Variants in HS6ST3 observed in about 807,000 individuals in gnomAD.
The protein encoded by HS6ST3 is heparan sulfate 6-O-sulfotransferase 3.
In HS6ST3, 12 loss-of-function variants were observed where a neutral mutation model predicts 36.7. The observed-to-expected ratio is 0.33, with a 90% CI of 0.21 to 0.53. The LOEUF (loss-of-function observed/expected upper bound fraction) is 0.53. Ranked by LOEUF, HS6ST3 falls within the 20% of genes least tolerant of loss-of-function variation. The pLI is 0.95. For missense variants in HS6ST3, 584 were observed against 640.9 expected (o/e 0.91, Z 0.96); for synonymous variants, 240 against 257.5 (o/e 0.93, Z 0.65).
At chr13:96,482,930 A>G (rs1283083455) in intron 1 of HS6ST3, among the ~76,000 whole-genome samples, 1 of 152,194 alleles carries the variant, frequency 6.6e-6, no homozygotes, top group Non-Finnish European at 1.5e-5. Context: ...TACTTTTAGC[A>G]TGTCATACAC....
chr13:96,760,482 C>G (rs1424989465), intron 1 of HS6ST3, among the ~76,000 whole-genome samples: 2 of 137,698 alleles, frequency 1.5e-5, no homozygotes, highest in Non-Finnish European at 3.3e-5. Context: ...TTACGTTGTT[C>G]TGTAAAAAAA....
intron 1 of HS6ST3, among the ~76,000 whole-genome samples, chr13:96,369,084 G>A (rs2055277060): frequency 6.6e-6 from 1 of 151,504 alleles, no homozygotes; most frequent in Non-Finnish European, 1.5e-5. Context: ...GGGTGGGGAG[G>A]GTGGGTGTGA....
At chr13:96,577,246 A>T in intron 1 of HS6ST3, among the ~76,000 whole-genome samples, 1 of 152,106 alleles carries the variant, frequency 6.6e-6, no homozygotes, top group Non-Finnish European at 1.5e-5. Flanking sequence ...ACTCGCACTT[A>T]TGAGTGAGAA....
chr13:96,410,305 A>G (rs548549081), intron 1 of HS6ST3, among the ~76,000 whole-genome samples: 101 of 152,288 alleles, frequency 6.6e-4, no homozygotes, highest in African/African-American at 2.3e-3. Context: ...ATAAATCAAT[A>G]GGAAAAATAC....
At chr13:96,168,597 A>C (rs1435265466) in intron 1 of HS6ST3, among the ~76,000 whole-genome samples, 1 of 151,694 alleles carries the variant, frequency 6.6e-6, no homozygotes, top group African/African-American at 2.4e-5. Context: ...CCAGCTACTC[A>C]GGAGGCTAAG....
intron 1 of HS6ST3, among the ~76,000 whole-genome samples, chr13:96,630,348 A>G (rs2056527732): frequency 6.6e-6 from 1 of 152,170 alleles, no homozygotes; most frequent in South Asian, 2.1e-4. Context: ...AGGATTTCCC[A>G]CGACCACTGG....
chr13:96,425,630 T>C (rs1171489887), intron 1 of HS6ST3, among the ~76,000 whole-genome samples: 23 of 152,098 alleles, frequency 1.5e-4, no homozygotes, highest in Admixed American at 1.5e-3. Context: ...TGTGTGTGTA[T>C]GTGTATATGT....
intron 1 of HS6ST3, among the ~76,000 whole-genome samples, chr13:96,741,514 C>A (rs1311421435): frequency 6.6e-6 from 1 of 152,072 alleles, no homozygotes; most frequent in Non-Finnish European, 1.5e-5. Context: ...GTGCAGCTAC[C>A]TACTCCAATG....
At chr13:96,518,833 T>C (rs971970466) in intron 1 of HS6ST3, among the ~76,000 whole-genome samples, 14 of 152,214 alleles carry the variant, frequency 9.2e-5, no homozygotes, top group African/African-American at 3.4e-4. Context: ...TTATATTGCC[T>C]ATCCTTCATT....
chr13:96,302,622 A>G (rs1292657216), intron 1 of HS6ST3, among the ~76,000 whole-genome samples: 1 of 152,170 alleles, frequency 6.6e-6, no homozygotes, highest in African/African-American at 2.4e-5. Context: ...TAAGGACAAC[A>G]CCAACATGTT....
intron 1 of HS6ST3, among the ~76,000 whole-genome samples, chr13:96,207,125 C>T (rs966058763): frequency 2.6e-5 from 4 of 151,850 alleles, no homozygotes; most frequent in Non-Finnish European, 5.9e-5. Flanking sequence ...CCTAAACAAC[C>T]CTGTTAAAAA....
chr13:96,540,768 G>C (rs1335634351), intron 1 of HS6ST3, among the ~76,000 whole-genome samples: 1 of 152,092 alleles, frequency 6.6e-6, no homozygotes, highest in Non-Finnish European at 1.5e-5. Flanking sequence ...GTCTAAATTA[G>C]CCCTAGGCAT....
At chr13:96,299,821 T>A (rs942401673) in intron 1 of HS6ST3, among the ~76,000 whole-genome samples, 2 of 152,024 alleles carry the variant, frequency 1.3e-5, no homozygotes, top group Admixed American at 6.6e-5. Context: ...CAAATTATGA[T>A]ATGAACAAGT....
chr13:96,494,408 G>T (rs1365199994), intron 1 of HS6ST3, among the ~76,000 whole-genome samples: 1 of 119,516 alleles, frequency 8.4e-6, no homozygotes, highest in African/African-American at 3.1e-5. Context: ...GGGGGGAGGG[G>T]GGAGGGATAG....
chr13:96,698,180 T>C (rs1875183871), intron 1 of HS6ST3, among the ~76,000 whole-genome samples: 1 of 152,172 alleles, frequency 6.6e-6, no homozygotes, highest in South Asian at 2.1e-4. Context: ...TATCTCCCAA[T>C]GCTGTCCCTC....
chr13:96,360,657 A>AC (rs1011196499), intron 1 of HS6ST3, among the ~76,000 whole-genome samples: 4 of 150,606 alleles, frequency 2.7e-5, no homozygotes, highest in African/African-American at 9.9e-5. Flanking sequence ...AAAAAAAAAA[A>AC]AAAAAAAGTC....
At chr13:96,140,722 T>C (rs746283145) in intron 1 of HS6ST3, among the ~76,000 whole-genome samples, 12 of 152,212 alleles carry the variant, frequency 7.9e-5, no homozygotes, top group Non-Finnish European at 1.5e-4. Context: ...ACCTTGTACT[T>C]CTTATGAAAT....
intron 1 of HS6ST3, among the ~76,000 whole-genome samples, chr13:96,627,669 T>C (rs1427766803): frequency 1.3e-5 from 2 of 152,112 alleles, no homozygotes; most frequent in Middle Eastern, 3.4e-3. Flanking sequence ...TGCTATTTTT[T>C]CTTTGTGAAA....
chr13:96,806,488 G>A (rs549593118), intron 1 of HS6ST3, among the ~76,000 whole-genome samples: 2 of 152,218 alleles, frequency 1.3e-5, no homozygotes, highest in South Asian at 4.1e-4. Context: ...CCTTCCTTGT[G>A]GCAACAGGTG....
Sources: allele counts gnomAD v4.1 joint callset (sites outside exome capture counted in the v4.1 genomes callset), GRCh38; gene constraint gnomAD v4.1.1; transcripts MANE v1.5; gene names NCBI Gene and HGNC (gene_info 2026-07-23, HGNC 2026-07-21).